Variants in PCBP3 observed in about 807,000 individuals in gnomAD.
The protein encoded by PCBP3 is poly(rC)-binding protein 3.
Under a neutral mutation model 52.7 loss-of-function variants are expected in PCBP3, and 25 were observed. The ratio of observed to expected loss-of-function variants is 0.47; its 90% CI spans 0.35 to 0.66. The LOEUF is 0.66. PCBP3 is among the 30% of genes least tolerant of loss of function. The pLI is 0.01. For synonymous variants in PCBP3, 162 were observed against 183.0 expected (o/e 0.89, Z 0.93); for missense variants, 391 against 490.3 (o/e 0.80, Z 1.91).
At chr21:45,867,786 T>G (rs1474587184) in intron 5 of PCBP3, among the ~76,000 whole-genome samples, 7 of 152,260 alleles carry the variant, frequency 4.6e-5, no homozygotes, top group Non-Finnish European at 1.0e-4. Context: ...GCGTCTTCCT[T>G]CCTCAGCCCC....
chr21:45,910,858 G>A (rs746606592), intron 10 of PCBP3, 44 bp from the exon 11 acceptor site: 9 of 1,551,358 alleles, frequency 5.8e-6, no homozygotes, highest in Non-Finnish European at 7.8e-6. Context: ...GCTGCCCCAT[G>A]CGCTGCTACC....
At chr21:45,910,135 A>C (rs867231167) in intron 10 of PCBP3, among the ~76,000 whole-genome samples, 1 of 294 alleles carries the variant, frequency 3.4e-3, no homozygotes, top group Non-Finnish European at 6.7e-3. Context: ...GACCCCCCCC[A>C]CCACTGCCCA....
intron 13 of PCBP3, among the ~76,000 whole-genome samples, chr21:45,926,741 C>T (rs1429054381): frequency 2.6e-5 from 4 of 152,144 alleles, no homozygotes; most frequent in African/African-American, 7.2e-5. Context: ...TCAAGAACTC[C>T]AACACAAGAC....
chr21:45,657,326 A>C (rs2080085036), intron 1 of PCBP3, among the ~76,000 whole-genome samples: 1 of 151,994 alleles, frequency 6.6e-6, no homozygotes, highest in Non-Finnish European at 1.5e-5. Context: ...GTTTTGAGTT[A>C]ATTTTTGTCT....
chr21:45,806,213 G>A (rs2092494675), intron 4 of PCBP3, among the ~76,000 whole-genome samples: 1 of 152,194 alleles, frequency 6.6e-6, no homozygotes, highest in South Asian at 2.1e-4. Context: ...GCGGACAAGT[G>A]GCTGTACTCC....
At chr21:45,716,867 A>C (rs921489759) in intron 2 of PCBP3, among the ~76,000 whole-genome samples, 1 of 152,084 alleles carries the variant, frequency 6.6e-6, no homozygotes, top group Non-Finnish European at 1.5e-5. Context: ...TTTCATATGA[A>C]TTTTAGAATC....
At chr21:45,769,774 T>C (rs1397617467) in intron 4 of PCBP3, among the ~76,000 whole-genome samples, 1 of 152,188 alleles carries the variant, frequency 6.6e-6, no homozygotes, top group African/African-American at 2.4e-5. Flanking sequence ...TAGTGTGTGA[T>C]ATTCAGGGAG....
intron 2 of PCBP3, among the ~76,000 whole-genome samples, chr21:45,707,588 A>T (rs1318568923): frequency 6.6e-6 from 1 of 152,200 alleles, no homozygotes; most frequent in Non-Finnish European, 1.5e-5. Context: ...AGGCGTGGGG[A>T]TCTGCATTTC....
intron 4 of PCBP3, among the ~76,000 whole-genome samples, chr21:45,794,574 G>T (rs2091817560): frequency 6.6e-6 from 1 of 152,194 alleles, no homozygotes; most frequent in Non-Finnish European, 1.5e-5. Flanking sequence ...TATAAGGCAA[G>T]ACATTAATTC....
rs1254090782 is a variant in PCBP3 at position 45,853,014 on chromosome 21, C to T, written c.10+2919C>T. On this transcript the variant is annotated intron_variant, in intron 5 of 17. Coordinates refer to ENST00000681687, the MANE Select transcript of PCBP3 (RefSeq NM_001384156.1). This position sits in a 1 kb window ranked among gnomAD's most constrained non-coding sequence, Gnocchi z 4.6. ...GAGATGCAGAGTGACATGGCGTGTA[C>T]ACTTCCCACAGCTGAGACCAGCAGG... Among the ~76,000 whole-genome samples, 2 of 152,200 alleles carry T rather than the reference C, an allele frequency of 1.3e-5. No homozygotes were observed. Among genetic ancestry groups the T allele is most frequent in the East Asian group, 3.8e-4 (2 of 5,196 alleles).
At chr21:45,911,276 G>GGA (rs1569488137) in intron 11 of PCBP3, 1 of 569,906 alleles carries the variant, frequency 1.8e-6, no homozygotes, top group Admixed American at 2.8e-5. Context: ...TGGAGAGGAG[G>GGA]GAGCCTCTCC....
chr21:45,894,404 C>T (rs1050059237), intron 5 of PCBP3, among the ~76,000 whole-genome samples: 1 of 152,076 alleles, frequency 6.6e-6, no homozygotes, highest in Non-Finnish European at 1.5e-5. Context: ...TCCAGACCAG[C>T]CACACCGAGA....
At chr21:45,831,939 G>A (rs1569284370) in intron 4 of PCBP3, among the ~76,000 whole-genome samples, 1 of 152,118 alleles carries the variant, frequency 6.6e-6, no homozygotes. Flanking sequence ...TCGAATTCCT[G>A]ACCTCATGTG....
chr21:45,858,841 G>A (rs958017209), intron 5 of PCBP3: 8 of 152,096 alleles, frequency 5.3e-5, no homozygotes, highest in Non-Finnish European at 1.0e-4. Context: ...GGTCTTTCCC[G>A]TGCTGTTCTC....
intron 6 of PCBP3, among the ~76,000 whole-genome samples, chr21:45,898,342 TCTGCACACCATCCTCATGGTCTCC>T (rs1392619171): frequency 6.6e-5 from 3 of 45,280 alleles, no homozygotes; most frequent in African/African-American, 3.0e-4. Context: ...ACAGCCTCCC[TCTGCACACCATCCTCATGGTCTCC>T]CTCTGCACAC....
intron 2 of PCBP3, among the ~76,000 whole-genome samples, chr21:45,720,436 A>G (rs1027099030): frequency 1.3e-5 from 2 of 152,192 alleles, no homozygotes; most frequent in Non-Finnish European, 2.9e-5. Flanking sequence ...TCCATGGTAT[A>G]TATGTGCCAC....
intron 3 of PCBP3, among the ~76,000 whole-genome samples, chr21:45,739,188 C>G (rs2086167119): frequency 8.8e-6 from 1 of 113,048 alleles, no homozygotes; most frequent in African/African-American, 3.5e-5. Flanking sequence ...CCATCTTCAT[C>G]AGCCCACCCC....
rs1431142885 is a variant in PCBP3 at position 45,694,077 on chromosome 21, TAAAG to T, written c.-200+25128_-200+25131del. ...ACGAAAATGATAACACTAGAATAAA[TAAAG>T]AAGCTGAGATTAAAACAACGGAATA... On this transcript the variant is annotated intron_variant, in intron 2 of 17. Transcript: ENST00000681687. 2.0e-5 allele frequency among the ~76,000 whole-genome samples: 3 copies of T among 151,844 alleles called. 1 individual carries two copies. In the South Asian group the frequency reaches 6.2e-4, roughly 32 times the overall value.
chr21:45,792,119 T>C lies in PCBP3; in HGVS notation c.-126+36667T>C, dbSNP rs893761107. Among the ~76,000 whole-genome samples, 10 of 152,264 alleles carry C rather than the reference T, an allele frequency of 6.6e-5. 1 individual carries two copies. Among genetic ancestry groups the C allele is most frequent in the Admixed American group, 5.9e-4 (9 of 15,290 alleles). The stretch of plus-strand genomic sequence containing the variant: ...TTCGCAGGGCCAGGCTGTGAAGCAG[T>C]TGGAGGCGAGGCCCGGGGCTCCAGG... On this transcript the variant is annotated intron_variant, in intron 4 of 17. Transcript: ENST00000681687.
Sources: gnomAD v4.1 joint callset for allele counts (sites outside exome capture counted in the v4.1 genomes callset) on GRCh38, gnomAD v4.1.1 for gene constraint, Gnocchi (gnomAD v3.1) non-coding constraint, MANE v1.5 for transcripts, NCBI Gene and HGNC (gene_info 2026-07-23, HGNC 2026-07-21) for gene names.